The following REEP1 variants were observed in gnomAD, a reference collection of about 807,000 sequenced individuals.
The protein encoded by REEP1 is receptor accessory protein 1.
A neutral mutation model predicts 40.3 loss-of-function variants in REEP1; 22 were observed. That is an observed-to-expected ratio of 0.55 (90% CI 0.39 to 0.78). The LOEUF (loss-of-function observed/expected upper bound fraction) is 0.78. Ranked by LOEUF, REEP1 falls within the 30% of genes least tolerant of loss-of-function variation. REEP1 has a pLI of 0.00. For synonymous variants in REEP1, 116 were observed against 139.2 expected (o/e 0.83, Z 1.17); for missense variants, 280 against 361.1 (o/e 0.78, Z 1.82).
At chr2:86,264,065 G>A (rs749597621) in intron 2 of REEP1, 24 bp from the exon 3 acceptor site, 15 of 1,589,776 alleles carry the variant, frequency 9.4e-6, no homozygotes, top group African/African-American at 4.0e-5. Context: ...AAGCAACACA[G>A]CTGGTAGAAA....
rs373171938 is a variant in REEP1 at position 86,252,018 on chromosome 2, A to G, written c.356T>C (p.Val119Ala). The G allele has an allele frequency of 1.9e-6, 3 of 1,614,144 alleles. No homozygotes were observed. Among genetic ancestry groups the G allele is most frequent in the Non-Finnish European group, 2.5e-6 (3 of 1,180,020 alleles). The change falls in exon 5 of 9, where the codon GTG becomes GCG. Residue 119 changes from valine (V) to alanine (A), a missense_variant. Transcript: ENST00000538924. ...GTTCAAGCCCCGCTTCCCGAAGTGCACAAGGGCATCGTAACTTCGGTCTTT... is the reference window on the plus strand; with the variant it reads ...GTTCAAGCCCCGCTTCCCGAAGTGCGCAAGGGCATCGTAACTTCGGTCTTT... ...QAKDRSYDAL[V>A]HFGKRGLNVA...
At chr2:86,296,601 A>G (rs1458105608) in intron 1 of REEP1, among the ~76,000 whole-genome samples, 1 of 152,250 alleles carries the variant, frequency 6.6e-6, no homozygotes, top group Non-Finnish European at 1.5e-5. Context: ...TCATGCCTGT[A>G]ATCCCAGCAC....
At chr2:86,235,864 T>C (rs1675294799) in intron 5 of REEP1, among the ~76,000 whole-genome samples, 1 of 152,278 alleles carries the variant, frequency 6.6e-6, no homozygotes. Context: ...GTGGCATAGA[T>C]ACAAGACTCC....
chr2:86,294,821 T>C (rs1294989562), intron 1 of REEP1, among the ~76,000 whole-genome samples: 1 of 152,170 alleles, frequency 6.6e-6, no homozygotes, highest in East Asian at 1.9e-4. Context: ...TATAAATAAT[T>C]GTGTGGCTCA....
At chr2:86,248,221 A>C (rs990321394) in intron 5 of REEP1, among the ~76,000 whole-genome samples, 2 of 152,100 alleles carry the variant, frequency 1.3e-5, no homozygotes, top group Non-Finnish European at 2.9e-5. Flanking sequence ...AATGATCCTA[A>C]GGAAGAGTAT....
chr2:86,254,564 A>G (rs1363934806), intron 4 of REEP1, 130 bp downstream of exon 4: 40 of 906,902 alleles, frequency 4.4e-5, no homozygotes, highest in Admixed American at 1.0e-4. Flanking sequence ...AAAAACGATT[A>G]GGAGGAATGA....
At chr2:86,318,106 C>A (rs915391498) in intron 1 of REEP1, among the ~76,000 whole-genome samples, 3 of 152,180 alleles carry the variant, frequency 2.0e-5, no homozygotes, top group Admixed American at 2.0e-4. Flanking sequence ...ATGAAATCAA[C>A]AGTGATATTA....
At chr2:86,249,786 T>A (rs554417224) in intron 5 of REEP1, among the ~76,000 whole-genome samples, 2 of 135,160 alleles carry the variant, frequency 1.5e-5, no homozygotes, top group African/African-American at 2.5e-5. Context: ...TTTTACTTCT[T>A]CTTTTATTTT....
At chr2:86,219,831 T>C in intron 8 of REEP1, 139 bp downstream of exon 8, 3 of 545,198 alleles carry the variant, frequency 5.5e-6, no homozygotes, top group Non-Finnish European at 8.3e-6. Flanking sequence ...TTCTGCTTGT[T>C]TGATGGAAGG....
chr2:86,312,121 A>G (rs1010522024), intron 1 of REEP1, among the ~76,000 whole-genome samples: 1 of 152,106 alleles, frequency 6.6e-6, no homozygotes, highest in African/African-American at 2.4e-5. Flanking sequence ...ACTCCTCCTG[A>G]CAAACCCTCA....
intron 1 of REEP1, among the ~76,000 whole-genome samples, chr2:86,320,452 T>G (rs1218909203): frequency 6.6e-6 from 1 of 151,874 alleles, no homozygotes; most frequent in East Asian, 1.9e-4. Context: ...GAATACAAGC[T>G]CACAGTGAAA....
At chr2:86,270,319 C>A (rs1302517912) in intron 2 of REEP1, among the ~76,000 whole-genome samples, 1 of 152,142 alleles carries the variant, frequency 6.6e-6, no homozygotes, top group Non-Finnish European at 1.5e-5. Context: ...GCCTCAGCCT[C>A]CCGAGTAGCT....
intron 1 of REEP1, among the ~76,000 whole-genome samples, chr2:86,328,564 G>A (rs561654981): frequency 9.2e-5 from 14 of 152,266 alleles, no homozygotes; most frequent in South Asian, 4.1e-4. Flanking sequence ...CTGTAGTCCC[G>A]GCTACTCGGG....
At chr2:86,257,937 A>G (rs1676659328) in intron 3 of REEP1, among the ~76,000 whole-genome samples, 1 of 152,134 alleles carries the variant, frequency 6.6e-6, no homozygotes, top group Non-Finnish European at 1.5e-5. Context: ...CACTCATCTT[A>G]ATGGCTGCAT....
Position 86,214,858 on chromosome 2 carries a change from CTT to C in REEP1, c.*2179_*2180del, listed in dbSNP as rs766006514. The stretch of plus-strand genomic sequence containing the variant: ...ATGTCTGAGAATAGAGCGCTTCAAA[CTT>C]TTTTTGGCATAGTTAAGTGCAAACT... On this transcript the variant is annotated 3_prime_UTR_variant, in exon 9 of 9. Transcript: ENST00000538924. 5.2e-5 allele frequency: 8 copies of C among 152,484 alleles called. No individual in the cohort carries two copies. Among genetic ancestry groups the C allele is most frequent in the African/African-American group, 1.7e-4 (7 of 41,386 alleles). The allele number at this position is 152,484 out of a possible 1,614,324, so 9.4% of individuals were successfully genotyped here.
At chr2:86,327,317 A>G (rs550404636) in intron 1 of REEP1, among the ~76,000 whole-genome samples, 2 of 151,954 alleles carry the variant, frequency 1.3e-5, no homozygotes, top group Admixed American at 1.3e-4. Flanking sequence ...TGGTAGCTCT[A>G]TTATAGAAAT....
At chr2:86,294,956 C>T (rs868657184) in intron 1 of REEP1, among the ~76,000 whole-genome samples, 2 of 151,974 alleles carry the variant, frequency 1.3e-5, no homozygotes, top group Middle Eastern at 3.4e-3. Context: ...CACCTGCCCA[C>T]AGAAGAACAA....
intron 6 of REEP1, among the ~76,000 whole-genome samples, chr2:86,228,337 TTCC>T (rs1457645326): frequency 6.6e-6 from 1 of 152,094 alleles, no homozygotes; most frequent in Non-Finnish European, 1.5e-5. Context: ...TTTGTGCCCC[TTCC>T]TCCCTTCCTC....
At chr2:86,256,319 G>A (rs1258597898) in intron 3 of REEP1, among the ~76,000 whole-genome samples, 4 of 144,038 alleles carry the variant, frequency 2.8e-5, no homozygotes, top group African/African-American at 5.3e-5. Flanking sequence ...CTGCACTCTA[G>A]CCTGGGCGAC....
Sources: allele counts gnomAD v4.1 joint callset (sites outside exome capture counted in the v4.1 genomes callset), GRCh38; gene constraint gnomAD v4.1.1; transcripts MANE v1.5; gene names NCBI Gene and HGNC (gene_info 2026-07-23, HGNC 2026-07-21).